The following ALPL variants were observed in gnomAD, a reference collection of about 807,000 sequenced individuals.
ALPL encodes the protein alkaline phosphatase, biomineralization associated.
A neutral mutation model predicts 51.3 loss-of-function variants in ALPL; 42 were observed. The ratio of observed to expected loss-of-function variants is 0.82; its 90% CI spans 0.64 to 1.06. The LOEUF is 1.06. ALPL is among the 50% of genes least tolerant of loss of function. The probability of loss-of-function intolerance (pLI) is 0.00; values close to 1 mark genes in which losing one functional copy is unlikely to be tolerated. For missense variants in ALPL, 589 were observed against 709.4 expected (o/e 0.83, Z 1.93); for synonymous variants, 279 against 296.4 (o/e 0.94, Z 0.60).
At chr1:21,559,193 G>A (rs917510737) in intron 2 of ALPL, among the ~76,000 whole-genome samples, 19 of 152,296 alleles carry the variant, frequency 1.2e-4, no homozygotes, top group African/African-American at 4.3e-4. Context: ...TGTGCAGTGG[G>A]AGGCCTTGAA....
intron 1 of ALPL, among the ~76,000 whole-genome samples, chr1:21,530,391 C>A (rs906201135): frequency 6.6e-6 from 1 of 152,152 alleles, no homozygotes; most frequent in Non-Finnish European, 1.5e-5. Context: ...AACTTGTGAG[C>A]TTACTCCGTG....
rs1644627835 is a variant in ALPL at position 21,570,329 on chromosome 1, A to C, written c.817A>C (p.Thr273Pro). Residue 273 changes from threonine to proline, a missense_variant, in exon 8 of 12, where the codon ACG (threonine) becomes CCG (proline). Physicochemically the swap from Thr to Pro is conservative, Grantham distance 38. Transcript: ENST00000374840. The part of the protein sequence containing the change: ...YKHSHFIWNR[T>P]ELLTLDPHNV... ...GCACTCCCACTTCATCTGGAACCGC[A>C]CGGAACTCCTGACCCTTGACCCCCA... 1 of 1,614,072 alleles carries C rather than the reference A, an allele frequency of 6.2e-7. No individual in the cohort carries two copies.
At chr1:21,563,917 A>C (rs1644524112) in intron 5 of ALPL, 124 bp from the exon 6 acceptor site, 1 of 1,256,228 alleles carries the variant, frequency 8.0e-7, no homozygotes, top group Non-Finnish European at 1.1e-6. Flanking sequence ...GGAGACTGAG[A>C]CCCGGGCAAT....
chr1:21,560,963 C>A (rs1055953294), intron 3 of ALPL, 134 bp from the exon 4 acceptor site: 1 of 1,007,984 alleles, frequency 9.9e-7, no homozygotes, highest in Non-Finnish European at 1.5e-6. Context: ...TGCTCACTGA[C>A]ATTTACAGAG....
intron 1 of ALPL, among the ~76,000 whole-genome samples, chr1:21,532,684 G>T (rs1437552936): frequency 2.6e-5 from 4 of 152,196 alleles, no homozygotes; most frequent in African/African-American, 9.7e-5. Flanking sequence ...ACAGCTCCCT[G>T]TTCTCCAGGA....
At chr1:21,519,853 C>T (rs770439162) in intron 1 of ALPL, among the ~76,000 whole-genome samples, 14 of 152,154 alleles carry the variant, frequency 9.2e-5, no homozygotes, top group Admixed American at 2.0e-4. Context: ...CCCCGGACCA[C>T]ACAGCGAATA....
intron 2 of ALPL, among the ~76,000 whole-genome samples, chr1:21,556,322 A>T (rs1644413286): frequency 6.6e-6 from 1 of 152,172 alleles, no homozygotes; most frequent in East Asian, 1.9e-4. Flanking sequence ...GTGTACCTTA[A>T]AACAGCTTCA....
At chr1:21,538,347 A>G (rs1347099498) in intron 1 of ALPL, among the ~76,000 whole-genome samples, 1 of 152,146 alleles carries the variant, frequency 6.6e-6, no homozygotes, top group East Asian at 1.9e-4. Flanking sequence ...GATCAAACGC[A>G]AAAGCCACCG....
chr1:21,565,091 G>T (rs1644544595), intron 6 of ALPL, among the ~76,000 whole-genome samples: 1 of 152,080 alleles, frequency 6.6e-6, no homozygotes, highest in Non-Finnish European at 1.5e-5. Context: ...GGCAGAGAAA[G>T]CCCCCCTGCC....
At chr1:21,549,277 T>C (rs1644290275) in intron 1 of ALPL, among the ~76,000 whole-genome samples, 1 of 152,150 alleles carries the variant, frequency 6.6e-6, no homozygotes, top group South Asian at 2.1e-4. Flanking sequence ...CCCCTGTGCC[T>C]ATGATTCCCA....
Position 21,564,181 on chromosome 1 carries a change from G to C in ALPL, c.613G>C (p.Ala205Pro). 6.2e-7 allele frequency: 1 copy of C among 1,613,986 alleles called. No individual in the cohort carries two copies. The highest frequency in any genetic ancestry group is 1.1e-5 in the South Asian group (1 of 91,074). The change falls in exon 6 of 12, where the codon GCC (alanine) becomes CCC (proline). Residue 205 changes from alanine (A) to proline (P), a missense_variant. Physicochemically the swap from Ala to Pro is conservative, Grantham distance 27. Coordinates refer to ENST00000374840, the MANE Select transcript of ALPL (RefSeq NM_000478.6). The surrounding 1 kb of genome is among the most constrained non-coding windows in gnomAD (Gnocchi z 5.8). ...EALSQGCKDI[A>P]YQLMHNIRDI... ...CTTGAGCCAGGGCTGTAAGGACATC[G>C]CCTACCAGCTCATGCATAACATCAG... is the stretch of plus-strand genomic sequence containing the variant.
chr1:21,575,646 G>A lies in ALPL; in HGVS notation c.998-87G>A, dbSNP rs150022566. 264 of 1,529,278 alleles carry A rather than the reference G, an allele frequency of 1.7e-4. No individual in the cohort carries two copies. The African/African-American group carries it at 3.3e-3, about 19-fold the overall frequency. 94.7% of individuals were successfully genotyped at this position (1,529,278 alleles called of 1,614,324 possible). On this transcript the variant is annotated intron_variant, in intron 9 of 11. Transcript: ENST00000374840. The stretch of plus-strand genomic sequence containing the variant: ...TTCCTGTCCTTCCCTAGCTAACAAA[G>A]GTTAATCCAGCAGCAGTGTTGTGGG...
chr1:21,519,271 C>T (rs907250098), intron 1 of ALPL, among the ~76,000 whole-genome samples: 1 of 152,244 alleles, frequency 6.6e-6, no homozygotes, highest in Non-Finnish European at 1.5e-5. Flanking sequence ...TCCTACCCCA[C>T]ACCTGGGGTG....
intron 1 of ALPL, among the ~76,000 whole-genome samples, chr1:21,518,200 A>G (rs1643836858): frequency 1.3e-5 from 2 of 152,042 alleles, no homozygotes; most frequent in South Asian, 4.1e-4. Flanking sequence ...TCTAGGCTTA[A>G]AGTAAGAGTG....
At chr1:21,554,803 G>GTCTTTCTT (rs1410585805) in intron 2 of ALPL, among the ~76,000 whole-genome samples, 34 of 42,768 alleles carry the variant, frequency 7.9e-4, no homozygotes, top group East Asian at 3.5e-3. Flanking sequence ...CTGTCTGTCT[G>GTCTTTCTT]TCTGTCTGTC....
At chr1:21,573,554 C>A in intron 8 of ALPL, 111 bp from the exon 9 acceptor site, 1 of 1,394,416 alleles carries the variant, frequency 7.2e-7, no homozygotes, top group Non-Finnish European at 9.9e-7. Context: ...ATACTCTACC[C>A]CAAGCTGGCT....
rs898904940 is a variant in ALPL, at chr1:21,530,434, C to G, written c.-105+20917C>G. ...TCAGCTATTCTGTTTGATGCTGTGT[C>G]TTTGGTAAGAGTCTAAGGCTGACCC... On this transcript the variant is annotated intron_variant, in intron 1 of 11. Transcript: ENST00000374840. Among the ~76,000 whole-genome samples the G allele has an allele frequency of 4.6e-5, 7 of 152,234 alleles. 1 individual carries two copies. Among genetic ancestry groups the G allele is most frequent in the Admixed American group, 1.3e-4 (2 of 15,296 alleles).
intron 1 of ALPL, among the ~76,000 whole-genome samples, chr1:21,525,630 G>A (rs977431437): frequency 6.6e-6 from 1 of 152,244 alleles, no homozygotes; most frequent in African/African-American, 2.4e-5. Flanking sequence ...TAGCCCAACT[G>A]CCTGTGAGGC....
chr1:21,514,656 A>G (rs1229031477), intron 1 of ALPL, among the ~76,000 whole-genome samples: 2 of 152,168 alleles, frequency 1.3e-5, no homozygotes, highest in African/African-American at 4.8e-5. Context: ...TCCACGAATC[A>G]ACTGCTCCAG....
Sources: allele counts gnomAD v4.1 joint callset (sites outside exome capture counted in the v4.1 genomes callset), GRCh38; gene constraint gnomAD v4.1.1; non-coding constraint Gnocchi (gnomAD v3.1); transcripts MANE v1.5; gene names NCBI Gene and HGNC (gene_info 2026-07-23, HGNC 2026-07-21).